Variants in AP3B2 observed in about 807,000 individuals in gnomAD.
AP3B2 encodes AP-3 complex subunit beta-2.
Under a neutral mutation model 126.9 loss-of-function variants are expected in AP3B2, and 50 were observed. The observed-to-expected ratio is 0.39, with a 90% CI of 0.31 to 0.50. The LOEUF is 0.50. Among genes scored for constraint, AP3B2 ranks in the 20% least tolerant of loss-of-function variants. The pLI is 0.79. For synonymous variants in AP3B2, 541 were observed against 565.0 expected, an observed-to-expected ratio of 0.96 and a Z score of 0.60; for missense variants, 1,177 against 1,426.4, an observed-to-expected ratio of 0.83 and a Z score of 2.82.
chr15:82,686,264 G>C (rs1049401839), intron 4 of AP3B2: 1 of 152,226 alleles, frequency 6.6e-6, no homozygotes. Flanking sequence ...GCCAGTCAGA[G>C]GTTTGATTCC....
chr15:82,694,858 A>G (rs1020368583), intron 1 of AP3B2, among the ~76,000 whole-genome samples: 2 of 152,268 alleles, frequency 1.3e-5, no homozygotes, highest in Admixed American at 6.5e-5. Context: ...AAAGAAATAT[A>G]TATTTGGTCT....
intron 9 of AP3B2, 88 bp from the exon 10 acceptor site, chr15:82,679,888 G>A: frequency 7.9e-7 from 1 of 1,267,802 alleles, no homozygotes; most frequent in Non-Finnish European, 1.1e-6. Flanking sequence ...CTGACCCAGC[G>A]CCCAGGATCC....
Position 82,665,326 on chromosome 15 carries a change from TAGG to T in AP3B2, c.1972-26_1972-24del. On this transcript the variant is annotated intron_variant, in intron 16 of 26. Transcript: ENST00000535359. The surrounding 1 kb of genome is among the most constrained non-coding windows in gnomAD (Gnocchi z 4.4). Reference sequence around the variant, plus strand: ...TTCCTGTGTGTGTGGGGGAGGGTGTTAGGAGGGCTGGGCCGGCACTGCCAGGGC... The same window carrying T: ...TTCCTGTGTGTGTGGGGGAGGGTGTTAGGGCTGGGCCGGCACTGCCAGGGC... The T allele has an allele frequency of 2.5e-6, 4 of 1,577,524 alleles. No individual in the cohort carries two copies. Among genetic ancestry groups the T allele is most frequent in the Non-Finnish European group, 3.4e-6 (4 of 1,170,666 alleles).
In AP3B2 at chr15:82,709,774, GGAAGGCGGGCCGGTCCGGTCCGGGCTGGC is replaced by G; in HGVS notation, c.-97_-69del. 7.6e-7 allele frequency: 1 copy of G among 1,312,344 alleles called. No homozygotes were observed. The highest frequency in any genetic ancestry group is 1.0e-6 in the Non-Finnish European group (1 of 995,752). 81.3% of individuals were successfully genotyped at this position (1,312,344 alleles called of 1,614,324 possible). A position where few individuals can be genotyped will look rare whatever the true frequency, so the allele number is the denominator to read the frequency against. ...CGGAGGCCGGCTGGAGCGGAGGAAG[GGAAGGCGGGCCGGTCCGGTCCGGGCTGGC>G]GAAGGCGGCGGCGCGGCAGGGGTTC... On this transcript the variant is annotated 5_prime_UTR_variant, in exon 1 of 27. Transcript: ENST00000535359.
chr15:82,704,089 C>G (rs1456246254), intron 1 of AP3B2, among the ~76,000 whole-genome samples: 2 of 152,196 alleles, frequency 1.3e-5, no homozygotes, highest in East Asian at 1.9e-4. Context: ...AAGGTTAACG[C>G]TCCTTTTCCT....
intron 23 of AP3B2, 27 bp from the exon 24 acceptor site, chr15:82,662,279 G>A: frequency 6.5e-7 from 1 of 1,542,092 alleles, no homozygotes. Flanking sequence ...CAGTGAAGGG[G>A]AGAGGGAGGG....
At chr15:82,702,096 GA>G (rs2048727044) in intron 1 of AP3B2, among the ~76,000 whole-genome samples, 2 of 152,130 alleles carry the variant, frequency 1.3e-5, no homozygotes, top group African/African-American at 2.4e-5. Context: ...TGCAGTGTCT[GA>G]ACTCATTTTA....
rs184339082 is a variant in AP3B2 at position 82,659,876 on chromosome 15, G to T, written c.3124C>A (p.Arg1042Ser). 1.8e-4 allele frequency: 285 copies of T among 1,613,968 alleles called. No individual in the cohort carries two copies. Among genetic ancestry groups the T allele is most frequent in the Non-Finnish European group, 1.3e-5 (15 of 1,179,878 alleles). Residue 1042 changes from arginine to serine, a missense_variant, in exon 26 of 27, where the codon CGT (arginine) becomes AGT (serine). Physicochemically the swap from Arg to Ser is moderately radical, Grantham distance 110. Around this residue, in one of 5 missense-constraint regions of AP3B2, gnomAD observed 587 missense variants for 571.3 expected, o/e 1.03. Transcript: ENST00000535359. ...TCATCAGATGTCCCACAAGGAACAC[G>T]ACCCAGGTTGGCAGTGGCAGTCACT... ...QKVTATANLG[R>S]VPCGTSDEYR...
chr15:82,663,171 C>G lies in AP3B2; in HGVS notation c.2560G>C (p.Asp854His). The change falls in exon 22 of 27, where the codon GAC (aspartate) becomes CAC (histidine). Residue 854 changes from aspartate (D) to histidine (H), a missense_variant. Physicochemically the swap from Asp to His is moderately conservative, Grantham distance 81. This residue lies in a region of AP3B2 where 587 missense variants were observed against 571.3 expected (regional missense o/e 1.03). Transcript: ENST00000535359. ...TCTGTGAGTGTCAGGCCCTCCAGGT[C>G]AGCAGCCAGACTGGTAGACACAATT... The part of the protein sequence containing the change: ...PAIVSTSLAA[D>H]LEGLTLTDST... 1.2e-6 allele frequency: 2 copies of G among 1,612,770 alleles called. No individual in the cohort carries two copies. Among genetic ancestry groups the G allele is most frequent in the Non-Finnish European group, 1.7e-6 (2 of 1,179,748 alleles).
chr15:82,666,981 C>A, intron 14 of AP3B2, 48 bp from the exon 15 acceptor site: 1 of 1,559,304 alleles, frequency 6.4e-7, no homozygotes, highest in South Asian at 1.2e-5. Flanking sequence ...GATGGGGACA[C>A]AGGAGGCTCA....
intron 4 of AP3B2, among the ~76,000 whole-genome samples, chr15:82,683,586 C>G (rs544725452): frequency 6.2e-4 from 94 of 152,224 alleles, no homozygotes; most frequent in African/African-American, 2.2e-3. Flanking sequence ...TTCCAAACTC[C>G]TGTTAATGTT....
intron 1 of AP3B2, among the ~76,000 whole-genome samples, chr15:82,702,768 T>A (rs1164166369): frequency 1.3e-5 from 2 of 152,178 alleles, no homozygotes; most frequent in Non-Finnish European, 2.9e-5. Flanking sequence ...CACATGGACG[T>A]GCGTGAAATT....
rs891652510 is a variant in AP3B2, at chr15:82,679,226, C to T, written c.1182+503G>A. Among the ~76,000 whole-genome samples, 5 of 152,192 alleles carry T rather than the reference C, an allele frequency of 3.3e-5. No individual in the cohort carries two copies. In the East Asian group the frequency reaches 9.6e-4, roughly 29 times the overall value. The stretch of plus-strand genomic sequence containing the variant: ...GCAACCTCTGTCTCCCAGGTTCAGG[C>T]AATTCTCTAGCCTCAGCCTCTCGAG... On this transcript the variant is annotated intron_variant, in intron 10 of 26. Transcript: ENST00000535359.
Position 82,664,687 on chromosome 15 carries a change from C to A in AP3B2, c.2137+148G>T, listed in dbSNP as rs2048020256. The A allele has an allele frequency of 1.2e-5, 11 of 900,424 alleles. No homozygotes were observed. The highest frequency in any genetic ancestry group is 1.9e-5 in the Non-Finnish European group (11 of 592,254). The allele number at this position is 900,424 out of a possible 1,614,324, so 55.8% of individuals were successfully genotyped here. A position where few individuals can be genotyped will look rare whatever the true frequency, so the allele number is the denominator to read the frequency against. ...TAGAAACCTGCACAAGCACACACACCTGGAACATGAATCCCTCAGGTGCAC... is the reference window on the plus strand; with the variant it reads ...TAGAAACCTGCACAAGCACACACACATGGAACATGAATCCCTCAGGTGCAC... On this transcript the variant is annotated intron_variant, in intron 18 of 26. Coordinates refer to ENST00000535359, the MANE Select transcript of AP3B2 (RefSeq NM_001278512.2). This position sits in a 1 kb window ranked among gnomAD's most constrained non-coding sequence, Gnocchi z 4.5.
At position 82,681,592 on chromosome 15, in the gene AP3B2, G is replaced by A; in HGVS notation, c.361-12C>T. On this transcript the variant is annotated splice_polypyrimidine_tract_variant and intron_variant, in intron 4 of 26. Coordinates refer to ENST00000535359, the MANE Select transcript of AP3B2 (RefSeq NM_001278512.2). This position sits in a 1 kb window ranked among gnomAD's most constrained non-coding sequence, Gnocchi z 4.0. ...AGCTGGTTGGGATCCTAAAGGCAGAGGTGGAGGCAGAGCTATGAAAGGGCA... is the reference window on the plus strand; with the variant it reads ...AGCTGGTTGGGATCCTAAAGGCAGAAGTGGAGGCAGAGCTATGAAAGGGCA... The A allele has an allele frequency of 6.2e-7, 1 of 1,611,320 alleles. No individual in the cohort carries two copies. The highest frequency in any genetic ancestry group is 8.5e-7 in the Non-Finnish European group (1 of 1,179,358).
intron 1 of AP3B2, among the ~76,000 whole-genome samples, chr15:82,705,845 C>G (rs1012188300): frequency 5.9e-5 from 9 of 152,180 alleles, no homozygotes; most frequent in African/African-American, 2.2e-4. Context: ...CCTGACTAAA[C>G]CATTATATAA....
chr15:82,692,286 A>C (rs2048550102), intron 1 of AP3B2: 1 of 731,124 alleles, frequency 1.4e-6, no homozygotes, highest in South Asian at 1.8e-5. Flanking sequence ...CTTGTAGAAA[A>C]GGTCTTCCAC....
chr15:82,679,834 G>C, intron 9 of AP3B2, 34 bp from the exon 10 acceptor site: 2 of 1,597,484 alleles, frequency 1.3e-6, no homozygotes, highest in Non-Finnish European at 1.7e-6. Context: ...GAGCTCCACC[G>C]AAGCCCCAGG....
At chr15:82,707,350 G>GTAC (rs2048812360) in intron 1 of AP3B2, among the ~76,000 whole-genome samples, 1 of 152,140 alleles carries the variant, frequency 6.6e-6, no homozygotes, top group Non-Finnish European at 1.5e-5. Context: ...ATGCTGCAGG[G>GTAC]TACAGCCCAT....
Sources: allele counts gnomAD v4.1 joint callset (sites outside exome capture counted in the v4.1 genomes callset), GRCh38; gene constraint gnomAD v4.1.1; regional missense constraint gnomAD v4.1.1; non-coding constraint Gnocchi (gnomAD v3.1); transcripts MANE v1.5; gene names NCBI Gene and HGNC (gene_info 2026-07-23, HGNC 2026-07-21).